The following SEMA6D variants were observed in gnomAD, a reference collection of about 807,000 sequenced individuals.
SEMA6D encodes the protein semaphorin-6D.
A neutral mutation model predicts 106.6 loss-of-function variants in SEMA6D; 35 were observed. That is an observed-to-expected ratio of 0.33 (90% confidence interval 0.25 to 0.44). The LOEUF is 0.44. Among genes scored for constraint, SEMA6D ranks in the 20% least tolerant of loss-of-function variants. The pLI is 1.00. For synonymous variants in SEMA6D, 499 were observed against 487.7 expected (o/e 1.02, Z -0.31); for missense variants, 1,185 against 1,345.9 (o/e 0.88, Z 1.87).
chr15:47,314,890 G>T (rs1427154141), intron 1 of SEMA6D, among the ~76,000 whole-genome samples: 52 of 104,942 alleles, frequency 5.0e-4, no homozygotes, highest in Middle Eastern at 9.6e-3. Context: ...TTTTGAGACG[G>T]AGTCTCGCTC....
chr15:47,201,851 C>T (rs1175882196), intron 1 of SEMA6D, among the ~76,000 whole-genome samples: 4 of 152,068 alleles, frequency 2.6e-5, no homozygotes, highest in African/African-American at 9.7e-5. Context: ...ATACCCTACT[C>T]CTCACATACT....
At chr15:47,742,515 T>G (rs1240421679) in intron 1 of SEMA6D, among the ~76,000 whole-genome samples, 1 of 152,210 alleles carries the variant, frequency 6.6e-6, no homozygotes, top group East Asian at 1.9e-4. Context: ...CCACTTGAGA[T>G]AGAGCCTAGG....
At chr15:47,741,504 G>T (rs1045215288) in intron 1 of SEMA6D, among the ~76,000 whole-genome samples, 1 of 152,204 alleles carries the variant, frequency 6.6e-6, no homozygotes. Context: ...ATCACCTGAG[G>T]TCGGCAGTTC....
At chr15:47,202,713 C>T (rs1894803035) in intron 1 of SEMA6D, among the ~76,000 whole-genome samples, 1 of 152,156 alleles carries the variant, frequency 6.6e-6, no homozygotes, top group South Asian at 2.1e-4. Flanking sequence ...AGTAAACTCA[C>T]TCCTGCTCTA....
intron 2 of SEMA6D, among the ~76,000 whole-genome samples, chr15:47,451,041 TCAAAAAA>T (rs1312094472): frequency 6.6e-6 from 1 of 151,834 alleles, no homozygotes; most frequent in African/African-American, 2.4e-5. Flanking sequence ...AACAAAAAAC[TCAAAAAA>T]CAAAAAATCA....
intron 4 of SEMA6D, among the ~76,000 whole-genome samples, chr15:47,616,611 G>C (rs1470438367): frequency 6.6e-6 from 1 of 150,790 alleles, no homozygotes; most frequent in Non-Finnish European, 1.5e-5. Context: ...TCCTAGACAA[G>C]GTATTGTTTA....
intron 2 of SEMA6D, among the ~76,000 whole-genome samples, chr15:47,428,915 A>G (rs1344122559): frequency 6.6e-6 from 1 of 151,582 alleles, no homozygotes; most frequent in Non-Finnish European, 1.5e-5. Flanking sequence ...AAGTGGAAAG[A>G]AGGAAGGGAA....
chr15:47,666,734 A>C (rs1050844082), intron 4 of SEMA6D, among the ~76,000 whole-genome samples: 1 of 152,172 alleles, frequency 6.6e-6, no homozygotes, highest in Admixed American at 6.5e-5. Flanking sequence ...CTTTCTCCCT[A>C]TTCTTTACAT....
chr15:47,506,809 A>C (rs1161941939), intron 3 of SEMA6D, among the ~76,000 whole-genome samples: 1 of 152,188 alleles, frequency 6.6e-6, no homozygotes, highest in African/African-American at 2.4e-5. Context: ...TCTTAGTAAC[A>C]TTACTGCAAG....
chr15:47,240,652 ATGCT>A (rs2032850143), intron 1 of SEMA6D, among the ~76,000 whole-genome samples: 1 of 152,188 alleles, frequency 6.6e-6, no homozygotes, highest in African/African-American at 2.4e-5. Context: ...CAGTACTCTA[ATGCT>A]GTTGAATATT....
intron 3 of SEMA6D, among the ~76,000 whole-genome samples, chr15:47,593,264 C>G (rs1369207963): frequency 2.0e-5 from 3 of 151,794 alleles, no homozygotes; most frequent in Non-Finnish European, 4.4e-5. Context: ...AATCAGCCAG[C>G]TGTGGTGGCT....
intron 2 of SEMA6D, among the ~76,000 whole-genome samples, chr15:47,438,229 C>T (rs1567079713): frequency 1.3e-5 from 2 of 152,120 alleles, no homozygotes; most frequent in East Asian, 3.9e-4. Flanking sequence ...ATACTGAAAC[C>T]TCCCACTTCT....
chr15:47,202,348 G>A (rs988718994), intron 1 of SEMA6D, among the ~76,000 whole-genome samples: 2 of 151,946 alleles, frequency 1.3e-5, no homozygotes, highest in South Asian at 2.1e-4. Context: ...GGAGTTGGGC[G>A]GGTGGCCTCA....
Position 47,699,621 on chromosome 15 carries a change from T to C in SEMA6D, c.-54-60124T>C, listed in dbSNP as rs139643876. On this transcript the variant is annotated intron_variant, in intron 4 of 19. Coordinates refer to the SEMA6D transcript ENST00000558014. ...TCTCTCCATGTTGTGCCTAGGCATATACCTAAACTGCCCTCCTGCATTTCA... is the reference window on the plus strand; with the variant it reads ...TCTCTCCATGTTGTGCCTAGGCATACACCTAAACTGCCCTCCTGCATTTCA... 3.9e-3 allele frequency among the ~76,000 whole-genome samples: 599 copies of C among 152,302 alleles called. 5 individuals are homozygous for C. The highest frequency in any genetic ancestry group is 0.014 in the African/African-American group (583 of 41,568).
At chr15:47,304,232 G>A (rs2036137337) in intron 1 of SEMA6D, among the ~76,000 whole-genome samples, 2 of 151,980 alleles carry the variant, frequency 1.3e-5, no homozygotes, top group Non-Finnish European at 2.9e-5. Flanking sequence ...GGAGGCCAAG[G>A]TGGGAGTTCA....
At chr15:47,185,131 T>TG (rs1893472775) in intron 1 of SEMA6D, among the ~76,000 whole-genome samples, 1 of 152,066 alleles carries the variant, frequency 6.6e-6, no homozygotes, top group Non-Finnish European at 1.5e-5. Flanking sequence ...TGACTGTTCT[T>TG]GGGGCCAGGC....
At chr15:47,236,008 AG>A (rs2032516744) in intron 1 of SEMA6D, among the ~76,000 whole-genome samples, 1 of 152,090 alleles carries the variant, frequency 6.6e-6, no homozygotes, top group Non-Finnish European at 1.5e-5. Context: ...CTGGGTAGCA[AG>A]GGATAGGACT....
chr15:47,595,183 A>T (rs1242778748), intron 3 of SEMA6D, among the ~76,000 whole-genome samples: 1 of 152,182 alleles, frequency 6.6e-6, no homozygotes, highest in Non-Finnish European at 1.5e-5. Context: ...ACTTTTCACC[A>T]TTGAGGTTAA....
chr15:47,191,994 A>C (rs1893996157), intron 1 of SEMA6D, among the ~76,000 whole-genome samples: 1 of 152,196 alleles, frequency 6.6e-6, no homozygotes, highest in Non-Finnish European at 1.5e-5. Flanking sequence ...TCCTGAATCC[A>C]ACGTTCTTAT....
Sources: gnomAD v4.1 joint callset for allele counts (sites outside exome capture counted in the v4.1 genomes callset) on GRCh38, gnomAD v4.1.1 for gene constraint, MANE v1.5 for transcripts, NCBI Gene and HGNC (gene_info 2026-07-23, HGNC 2026-07-21) for gene names.